PCDHA3: variants seen among roughly 807,000 people sequenced by gnomAD.
The protein encoded by PCDHA3 is protocadherin alpha-3.
A neutral mutation model predicts 62.2 loss-of-function variants in PCDHA3; 41 were observed. That is an observed-to-expected ratio of 0.66 (90% CI 0.51 to 0.86). The LOEUF (loss-of-function observed/expected upper bound fraction) is 0.86. Ranked by LOEUF, PCDHA3 falls within the 40% of genes least tolerant of loss-of-function variation. The pLI, the probability that PCDHA3 is intolerant of heterozygous loss-of-function variation, is 0.00. For missense variants in PCDHA3, 1,304 were observed against 1,241.2 expected, an observed-to-expected ratio of 1.05 and a Z score of -0.76; for synonymous variants, 640 against 555.4, an observed-to-expected ratio of 1.15 and a Z score of -2.14.
chr5:140,907,727 C>T (rs2153502591), intron 1 of PCDHA3, among the ~76,000 whole-genome samples: 1 of 152,306 alleles, frequency 6.6e-6, no homozygotes, highest in Admixed American at 6.5e-5. Flanking sequence ...AACCTCCATC[C>T]CTGCCACCAT....
chr5:140,958,873 A>G (rs1554223676), intron 1 of PCDHA3, among the ~76,000 whole-genome samples: 1 of 152,100 alleles, frequency 6.6e-6, no homozygotes, highest in East Asian at 1.9e-4. Context: ...TTTATAAAAG[A>G]ATTGACCAGT....
At chr5:140,887,829 G>A (rs2061597831) in intron 1 of PCDHA3, among the ~76,000 whole-genome samples, 1 of 151,932 alleles carries the variant, frequency 6.6e-6, no homozygotes, top group Non-Finnish European at 1.5e-5. Flanking sequence ...GCCTCATTTT[G>A]AATATCTTTT....
intron 1 of PCDHA3, chr5:140,829,111 T>A: frequency 6.2e-7 from 1 of 1,612,018 alleles, no homozygotes; most frequent in Non-Finnish European, 8.5e-7. Flanking sequence ...TAGTGAGAAT[T>A]TTGGATAAAA....
At chr5:140,917,522 G>A (rs931609211) in intron 1 of PCDHA3, among the ~76,000 whole-genome samples, 1 of 152,144 alleles carries the variant, frequency 6.6e-6, no homozygotes, top group Non-Finnish European at 1.5e-5. Context: ...TTTATTCTAC[G>A]GTTTGTATAG....
At chr5:140,839,863 C>T (rs1776446345) in intron 1 of PCDHA3, among the ~76,000 whole-genome samples, 1 of 151,846 alleles carries the variant, frequency 6.6e-6, no homozygotes, top group African/African-American at 2.4e-5. Flanking sequence ...TTGAGGTGGA[C>T]TTTGAAAGAT....
chr5:140,878,899 G>A (rs1301967468), intron 1 of PCDHA3, among the ~76,000 whole-genome samples: 2 of 152,152 alleles, frequency 1.3e-5, no homozygotes, highest in African/African-American at 4.8e-5. Flanking sequence ...CTACAGGCAG[G>A]CTCCACCACT....
In PCDHA3 at chr5:140,858,295, G is replaced by A. The variant is rs190932191; in HGVS notation, c.2394+54704G>A. ...GCGCGGTGGGGAGCTGGTCTTACTC[G>A]CAGCAGAGGCGGCAGAGGGTGTGTT... On this transcript the variant is annotated intron_variant, in intron 1 of 3. Coordinates refer to ENST00000522353, the MANE Select transcript of PCDHA3 (RefSeq NM_018906.3). 2.6e-3 allele frequency: 4,219 copies of A among 1,597,346 alleles called. 330 individuals are homozygous for A. The highest frequency in any genetic ancestry group is 0.01 in the Middle Eastern group (61 of 5,988).
At chr5:140,818,703 T>A (rs553445594) in intron 1 of PCDHA3, among the ~76,000 whole-genome samples, 1 of 152,144 alleles carries the variant, frequency 6.6e-6, no homozygotes, top group African/African-American at 2.4e-5. Flanking sequence ...CTAGATGTGG[T>A]GGTGCACACC....
At chr5:140,826,048 C>T (rs1415056920) in intron 1 of PCDHA3, among the ~76,000 whole-genome samples, 1 of 152,112 alleles carries the variant, frequency 6.6e-6, no homozygotes, top group South Asian at 2.1e-4. Flanking sequence ...TGTTGCTTTG[C>T]CTGTTTCTTT....
At chr5:140,834,869 C>T (rs782789738) in intron 1 of PCDHA3, 1 of 1,609,230 alleles carries the variant, frequency 6.2e-7, no homozygotes, top group Non-Finnish European at 8.5e-7. Flanking sequence ...ATGCAGATAT[C>T]GGGGAGAACG....
chr5:140,969,005 G>A (rs149076230), intron 1 of PCDHA3: 1 of 1,614,168 alleles, frequency 6.2e-7, no homozygotes, highest in Non-Finnish European at 8.5e-7. Flanking sequence ...AGGCTTCTGT[G>A]GAGTAAGGGA....
chr5:140,950,237 A>C (rs1192417956), intron 1 of PCDHA3, among the ~76,000 whole-genome samples: 1 of 151,954 alleles, frequency 6.6e-6, no homozygotes, highest in African/African-American at 2.4e-5. Context: ...AGTGCCATTA[A>C]TTTGTTCCTA....
At chr5:140,863,712 G>A (rs2048130795) in intron 1 of PCDHA3, 1 of 282,034 alleles carries the variant, frequency 3.5e-6, no homozygotes, top group East Asian at 9.1e-5. Flanking sequence ...AAGTACACTG[G>A]GGCCGGGTGC....
chr5:140,969,491 C>T (rs2096337176), intron 1 of PCDHA3: 8 of 1,449,294 alleles, frequency 5.5e-6, no homozygotes, highest in Non-Finnish European at 7.3e-6. Context: ...CTGCTATTTC[C>T]TCTCTAGAAA....
In PCDHA3 at chr5:140,869,463, C is replaced by A. The variant is rs1554163094; in HGVS notation, c.2394+65872C>A. On this transcript the variant is annotated intron_variant, in intron 1 of 3. Transcript: ENST00000522353. ...GGCCGCTGCAGGTTTTCCATGTGAACGTGGAGGTGAAGGACATTAACGACA... is the reference window on the plus strand; with the variant it reads ...GGCCGCTGCAGGTTTTCCATGTGAAAGTGGAGGTGAAGGACATTAACGACA... 2 of 1,614,148 alleles carry A rather than the reference C, an allele frequency of 1.2e-6. No homozygotes were observed. Among genetic ancestry groups the A allele is most frequent in the Admixed American group, 1.7e-5 (1 of 60,024 alleles).
chr5:140,987,004 A>G (rs2097221558), intron 3 of PCDHA3, among the ~76,000 whole-genome samples: 2 of 152,242 alleles, frequency 1.3e-5, no homozygotes, highest in Non-Finnish European at 2.9e-5. Flanking sequence ...ACTTGAGGTC[A>G]TGAGTTCGAG....
At chr5:141,008,557 T>G (rs1394611167) in intron 3 of PCDHA3, among the ~76,000 whole-genome samples, 3 of 152,218 alleles carry the variant, frequency 2.0e-5, no homozygotes, top group African/African-American at 7.2e-5. Flanking sequence ...CTCCTGTGGA[T>G]GCATAATCAT....
At chr5:140,884,503 AGGGAGTT>A (rs782338567) in intron 1 of PCDHA3, 2 of 1,613,940 alleles carry the variant, frequency 1.2e-6, no homozygotes, top group Non-Finnish European at 1.7e-6. Context: ...CCAGCGCGGC[AGGGAGTT>A]GGTCGTACTC....
intron 1 of PCDHA3, chr5:140,807,930 A>G: frequency 6.2e-7 from 1 of 1,614,126 alleles, no homozygotes; most frequent in Non-Finnish European, 8.5e-7. Flanking sequence ...ACCATTTATA[A>G]GGTGAGATTA....
Sources: allele counts gnomAD v4.1 joint callset (sites outside exome capture counted in the v4.1 genomes callset), GRCh38; gene constraint gnomAD v4.1.1; transcripts MANE v1.5; gene names NCBI Gene and HGNC (gene_info 2026-07-23, HGNC 2026-07-21).